The following PLCL1 variants were observed in gnomAD, a reference collection of about 807,000 sequenced individuals.
PLCL1 encodes the protein phospholipase C like 1 (inactive), also known as inactive phospholipase C-like protein 1.
PLCL1 carries 41 observed loss-of-function variants against 84.4 expected under a neutral mutation model. The observed-to-expected ratio is 0.49, with a 90% confidence interval of 0.38 to 0.63. The LOEUF (loss-of-function observed/expected upper bound fraction) is 0.63. Ranked by LOEUF, PLCL1 falls within the 30% of genes least tolerant of loss-of-function variation. PLCL1 has a pLI of 0.00. For synonymous variants in PLCL1, 490 were observed against 488.3 expected, an observed-to-expected ratio of 1.00 and a Z score of -0.05; for missense variants, 1,206 against 1,367.8, an observed-to-expected ratio of 0.88 and a Z score of 1.87.
chr2:197,815,581 A>G (rs1690671118), intron 1 of PLCL1, among the ~76,000 whole-genome samples: 1 of 152,186 alleles, frequency 6.6e-6, no homozygotes, highest in Admixed American at 6.6e-5. Flanking sequence ...TAGTTGCTAT[A>G]GATAGTGATT....
chr2:197,864,183 G>T (rs1574918923), intron 1 of PLCL1, among the ~76,000 whole-genome samples: 1 of 152,204 alleles, frequency 6.6e-6, no homozygotes, highest in East Asian at 1.9e-4. Context: ...GGCAGTGGAG[G>T]TTAGAAGAAC....
chr2:197,906,457 T>TC (rs1254212265), intron 1 of PLCL1, among the ~76,000 whole-genome samples: 4 of 152,188 alleles, frequency 2.6e-5, no homozygotes, highest in Non-Finnish European at 5.9e-5. Context: ...CTGTTGTGGT[T>TC]CCTGTAGCCT....
intron 1 of PLCL1, among the ~76,000 whole-genome samples, chr2:197,908,862 A>G (rs1688432741): frequency 1.3e-5 from 2 of 152,134 alleles, no homozygotes; most frequent in Admixed American, 6.5e-5. Context: ...AAAATACTTT[A>G]TATTTTGTTG....
intron 1 of PLCL1, among the ~76,000 whole-genome samples, chr2:197,849,571 T>G (rs748293354): frequency 2.2e-4 from 34 of 152,216 alleles, no homozygotes; most frequent in Non-Finnish European, 4.4e-4. Flanking sequence ...AAATATTTAT[T>G]GCCTTTTCTC....
intron 3 of PLCL1, among the ~76,000 whole-genome samples, chr2:198,090,728 G>A (rs1186975705): frequency 6.6e-6 from 1 of 152,208 alleles, no homozygotes; most frequent in East Asian, 1.9e-4. Flanking sequence ...TCTAAGAGGT[G>A]AAATTAGGGT....
chr2:197,886,411 C>CAAAAAAAAAAAAAAAAAAAAAAAAAAA (rs61183744), intron 1 of PLCL1, among the ~76,000 whole-genome samples: 2 of 77,084 alleles, frequency 2.6e-5, no homozygotes, highest in Non-Finnish European at 5.3e-5. Flanking sequence ...GACTCTGTCT[C>CAAAAAAAAAAAAAAAAAAAAAAAAAAA]AAAAAAAAAA....
chr2:197,909,956 A>T (rs914203719), intron 1 of PLCL1, among the ~76,000 whole-genome samples: 2 of 152,178 alleles, frequency 1.3e-5, no homozygotes, highest in African/African-American at 2.4e-5. Flanking sequence ...TTTCAAGCTG[A>T]TCTTCAAGTG....
chr2:198,043,312 A>G (rs959720628), intron 1 of PLCL1, among the ~76,000 whole-genome samples: 1 of 152,218 alleles, frequency 6.6e-6, no homozygotes, highest in African/African-American at 2.4e-5. Context: ...AGGACAGTTC[A>G]GATATTCCTC....
At chr2:197,860,080 T>C (rs1687400843) in intron 1 of PLCL1, among the ~76,000 whole-genome samples, 1 of 152,114 alleles carries the variant, frequency 6.6e-6, no homozygotes. Flanking sequence ...TATGTGTCCA[T>C]GTGTTCTCAT....
intron 1 of PLCL1, among the ~76,000 whole-genome samples, chr2:197,840,643 G>A (rs2105668336): frequency 6.6e-6 from 1 of 152,194 alleles, no homozygotes; most frequent in African/African-American, 2.4e-5. Flanking sequence ...ATCTTCTTTA[G>A]AAATAGGAGG....
chr2:198,072,757 A>G (rs1692493068), intron 1 of PLCL1, among the ~76,000 whole-genome samples: 1 of 151,952 alleles, frequency 6.6e-6, no homozygotes, highest in Non-Finnish European at 1.5e-5. Flanking sequence ...CTTTTAACCA[A>G]TTTACTTATT....
At chr2:197,858,792 T>G (rs956132592) in intron 1 of PLCL1, among the ~76,000 whole-genome samples, 1 of 152,174 alleles carries the variant, frequency 6.6e-6, no homozygotes, top group African/African-American at 2.4e-5. Context: ...CCCTTCAGCC[T>G]GGGCTCTGCT....
At chr2:197,966,255 C>T (rs1234986036) in intron 1 of PLCL1, among the ~76,000 whole-genome samples, 2 of 152,068 alleles carry the variant, frequency 1.3e-5, no homozygotes, top group Non-Finnish European at 2.9e-5. Context: ...AGATGGTGCA[C>T]ATGAGCTGGT....
rs1559098406 is a variant in PLCL1, at chr2:198,084,740, A to G, written c.1223A>G (p.Tyr408Cys). ...QDMTQPLSHY[Y>C]INASHNTYLI... is the part of the protein sequence containing the mutation. Reference sequence around the variant, plus strand: ...ATGACCCAGCCATTATCTCACTACTATATCAATGCCTCTCATAACACCTAT... The same window carrying G: ...ATGACCCAGCCATTATCTCACTACTGTATCAATGCCTCTCATAACACCTAT... The change falls in exon 2 of 6, where the codon TAT (tyrosine) becomes TGT (cysteine). Residue 408 changes from tyrosine to cysteine, a missense_variant. Physicochemically the swap from Tyr to Cys is radical, Grantham distance 194. Coordinates refer to ENST00000428675, the MANE Select transcript of PLCL1 (RefSeq NM_006226.4). 3.1e-6 allele frequency: 5 copies of G among 1,614,132 alleles called. No homozygotes were observed. The highest frequency in any genetic ancestry group is 1.6e-4 in the Middle Eastern group (1 of 6,062).
intron 1 of PLCL1, among the ~76,000 whole-genome samples, chr2:197,810,493 A>C (rs1434067043): frequency 6.6e-6 from 1 of 152,254 alleles, no homozygotes; most frequent in African/African-American, 2.4e-5. Context: ...GTGCATTGTG[A>C]TTGAGACTGA....
chr2:197,980,400 C>T (rs140536376), intron 1 of PLCL1, among the ~76,000 whole-genome samples: 1 of 152,308 alleles, frequency 6.6e-6, no homozygotes, highest in African/African-American at 2.4e-5. Context: ...TTACCAGGTG[C>T]TCCATGCCCT....
At chr2:198,049,884 G>A (rs73061079) in intron 1 of PLCL1, among the ~76,000 whole-genome samples, 1 of 152,188 alleles carries the variant, frequency 6.6e-6, no homozygotes, top group East Asian at 1.9e-4. Context: ...ACAGCAAGAG[G>A]ATGCCAAGGA....
At chr2:198,006,298 G>A (rs1690726943) in intron 1 of PLCL1, among the ~76,000 whole-genome samples, 1 of 152,170 alleles carries the variant, frequency 6.6e-6, no homozygotes, top group Admixed American at 6.5e-5. Flanking sequence ...TAATGTGTAT[G>A]TGTGTGGGCA....
intron 1 of PLCL1, among the ~76,000 whole-genome samples, chr2:197,843,576 A>G (rs1687058651): frequency 6.6e-6 from 1 of 152,120 alleles, no homozygotes; most frequent in South Asian, 2.1e-4. Flanking sequence ...CACAAGGAAA[A>G]TCTCAAACAG....
Sources: gnomAD v4.1 joint callset for allele counts (sites outside exome capture counted in the v4.1 genomes callset) on GRCh38, gnomAD v4.1.1 for gene constraint, MANE v1.5 for transcripts, NCBI Gene and HGNC (gene_info 2026-07-23, HGNC 2026-07-21) for gene names.